Variants in NELFA observed in about 807,000 individuals in gnomAD.
NELFA encodes the protein negative elongation factor complex member A, also known as negative elongation factor A.
NELFA carries 35 observed loss-of-function variants against 51.8 expected under a neutral mutation model. That is an observed-to-expected ratio of 0.68 (90% CI 0.52 to 0.90). The LOEUF (loss-of-function observed/expected upper bound fraction) is 0.90. NELFA is among the 40% of genes least tolerant of loss of function. The probability of loss-of-function intolerance (pLI) is 0.00; values close to 1 mark genes in which losing one functional copy is unlikely to be tolerated. For missense variants in NELFA, 658 were observed against 746.4 expected (o/e 0.88, Z 1.38); for synonymous variants, 417 against 338.4 (o/e 1.23, Z -2.55).
chr4:1,984,820 C>G lies in NELFA; in HGVS notation c.1024G>C (p.Glu342Gln), dbSNP rs868024863. Residue 342 changes from glutamate (E) to glutamine (Q), a missense_variant, in exon 8 of 11, where the codon GAG becomes CAG. Physicochemically the swap from Glu to Gln is conservative, Grantham distance 29. Transcript: ENST00000382882. ...CCAGCAGACTCACCTGGGGGCGTCT[C>G]GGAGCTGGGGATGTAGGAGGAGGCG... The part of the protein sequence containing the change: ...VPASSYIPSS[E>Q]TPPAPSSREA... 2 of 1,563,418 alleles carry G rather than the reference C, an allele frequency of 1.3e-6. No individual in the cohort carries two copies. The highest frequency in any genetic ancestry group is 1.9e-5 in the Admixed American group (1 of 52,628).
Position 1,983,858 on chromosome 4 carries a change from A to G in NELFA, c.1292T>C (p.Leu431Pro). Residue 431 changes from leucine (L) to proline (P), a missense_variant, in exon 9 of 11, where the codon CTG (leucine) becomes CCG (proline). Leu to Pro is a moderately conservative substitution (Grantham distance 98). Transcript: ENST00000382882. ...CCAGTGTACACCTACCGTGAGGGAC[A>G]GGTTCTTCTTAGGCTGCTGCTGAGC... ...APAQQQPKKN[L>P]SLTREQMFAA... is the part of the protein sequence containing the mutation. The G allele has an allele frequency of 6.3e-7, 1 of 1,574,954 alleles. No individual in the cohort carries two copies. Among genetic ancestry groups the G allele is most frequent in the Non-Finnish European group, 8.6e-7 (1 of 1,160,136 alleles).
At chr4:2,006,768 CAAAAAAAAAAAAA>C (rs57055347) in intron 1 of NELFA, among the ~76,000 whole-genome samples, 3 of 79,756 alleles carry the variant, frequency 3.8e-5, no homozygotes, top group East Asian at 3.1e-4. Flanking sequence ...GACGCTGTCT[CAAAAAAAAAAAAA>C]AAAAAAAAAA....
intron 7 of NELFA, among the ~76,000 whole-genome samples, chr4:1,985,212 T>C (rs770786965): frequency 8.5e-5 from 13 of 152,122 alleles, no homozygotes; most frequent in East Asian, 1.9e-4. Flanking sequence ...CCACGAAGCG[T>C]TGATATAAAG....
intron 1 of NELFA, among the ~76,000 whole-genome samples, chr4:2,003,412 TAA>T (rs1048600077): frequency 6.6e-6 from 1 of 152,180 alleles, no homozygotes; most frequent in Admixed American, 6.5e-5. Flanking sequence ...CATTCTGCTA[TAA>T]AGACACACGT....
rs559610618 is a variant in NELFA, at chr4:1,982,959, C to G, written c.*360G>C. On this transcript the variant is annotated 3_prime_UTR_variant, in exon 11 of 11. Coordinates refer to ENST00000382882, the MANE Select transcript of NELFA (RefSeq NM_005663.5). ...CCTCAACCCTGGGGGTAGGAGGGCA[C>G]TGCCCCAGCGAGGGAAAATAGAAAA... 5.6e-6 allele frequency: 1 copy of G among 179,580 alleles called. No homozygotes were observed. Among genetic ancestry groups the G allele is most frequent in the East Asian group, 1.7e-4 (1 of 5,948 alleles). The allele number at this position is 179,580 out of a possible 1,614,324, so 11.1% of individuals were successfully genotyped here.
At chr4:1,992,875 G>C (rs886105657) in intron 1 of NELFA, among the ~76,000 whole-genome samples, 2 of 152,216 alleles carry the variant, frequency 1.3e-5, no homozygotes, top group Non-Finnish European at 1.5e-5. Flanking sequence ...CTGCCCTCAG[G>C]AGTCAAGAAC....
At position 1,991,665 on chromosome 4, in the gene NELFA, G is replaced by A; in HGVS notation, c.261C>T (p.Asp87=). ...TGTCGGCGACCATGAGCACCCAGGG[G>A]TCCGAGTCGAGGCTGGCGAGCTGGA... is the stretch of plus-strand genomic sequence containing the variant. ...EIIQLASLDS[D]PWVLMVADIL... Residue 87 remains aspartate (D), a synonymous_variant, in exon 2 of 11, where the codon GAC becomes GAT. Coordinates refer to ENST00000382882, the MANE Select transcript of NELFA (RefSeq NM_005663.5). 1.2e-6 allele frequency: 2 copies of A among 1,613,184 alleles called. No homozygotes were observed. Among genetic ancestry groups the A allele is most frequent in the African/African-American group, 1.3e-5 (1 of 74,930 alleles).
At chr4:1,999,887 G>A (rs1247925817) in intron 1 of NELFA, among the ~76,000 whole-genome samples, 6 of 151,868 alleles carry the variant, frequency 4.0e-5, no homozygotes, top group Non-Finnish European at 1.5e-5. Flanking sequence ...GTAATTAACT[G>A]GAAGTCAGCA....
rs113600353 is a variant in NELFA, at chr4:1,990,864, G to A, written c.382+680C>T. Among the ~76,000 whole-genome samples, 529 of 152,302 alleles carry A rather than the reference G, an allele frequency of 3.5e-3. 2 individuals are homozygous for A. The highest frequency in any genetic ancestry group is 0.012 in the African/African-American group (504 of 41,556). Reference sequence around the variant, plus strand: ...TACCCAGGCTGGAGTGCAGTGGCGCGATCATGGCTCACTGCAGCCTTGGCC... The same window carrying A: ...TACCCAGGCTGGAGTGCAGTGGCGCAATCATGGCTCACTGCAGCCTTGGCC... On this transcript the variant is annotated intron_variant, in intron 2 of 10. Coordinates refer to ENST00000382882, the MANE Select transcript of NELFA (RefSeq NM_005663.5).
At chr4:1,984,728 CA>C in intron 8 of NELFA, 79 bp downstream of exon 8, 2 of 999,016 alleles carry the variant, frequency 2.0e-6, no homozygotes, top group Non-Finnish European at 3.0e-6. Context: ...GTGAGAACCG[CA>C]GCCCTGGCAG....
rs746555720 is a variant in NELFA at position 1,983,511 on chromosome 4, G to C, written c.1403-8C>G. 6.2e-7 allele frequency: 1 copy of C among 1,613,554 alleles called. No individual in the cohort carries two copies. Among genetic ancestry groups the C allele is most frequent in the Non-Finnish European group, 8.5e-7 (1 of 1,179,658 alleles). ...GCTCCTGGCACGGGTTCTCTGCAGA[G>C]AGCAGGAGCTGCTGGGTGGGTGTCT... is the stretch of plus-strand genomic sequence containing the variant. On this transcript the variant is annotated splice_polypyrimidine_tract_variant and splice_region_variant and intron_variant, in intron 10 of 10. Transcript: ENST00000382882.
chr4:1,994,470 CAGG>C (rs1374750593), intron 1 of NELFA, among the ~76,000 whole-genome samples: 16 of 151,836 alleles, frequency 1.1e-4, no homozygotes, highest in East Asian at 3.9e-4. Context: ...GAAGGTGAGG[CAGG>C]AGAATTGCTT....
rs774564769 is a variant in NELFA, at chr4:1,989,474, C to T, written c.544+234G>A. Among the ~76,000 whole-genome samples the T allele has an allele frequency of 6.6e-6, 1 of 151,948 alleles. No homozygotes were observed. ...TTCCGAGTAGCTGGGAGCACAGGCA[C>T]GCACCACCATGCCCGGCTAATGTTT... On this transcript the variant is annotated intron_variant, in intron 3 of 10. Transcript: ENST00000382882. The surrounding 1 kb of genome is among the most constrained non-coding windows in gnomAD (Gnocchi z 4.8).
At position 1,991,673 on chromosome 4, in the gene NELFA, C is replaced by G. The variant is rs906816150; in HGVS notation, c.253G>C (p.Asp85His). 6.2e-7 allele frequency: 1 copy of G among 1,611,802 alleles called. No individual in the cohort carries two copies. Among genetic ancestry groups the G allele is most frequent in the African/African-American group, 1.3e-5 (1 of 74,720 alleles). The change falls in exon 2 of 11, where the codon GAC becomes CAC. Residue 85 changes from aspartate (D) to histidine (H), a missense_variant. Transcript: ENST00000382882. ...ACCATGAGCACCCAGGGGTCCGAGT[C>G]GAGGCTGGCGAGCTGGATGATCTCC... ...LMEIIQLASLDSDPWVLMVAD... is the reference protein window; with the variant it reads ...LMEIIQLASLHSDPWVLMVAD...
chr4:1,996,204 T>C (rs1230281638), intron 1 of NELFA, among the ~76,000 whole-genome samples: 1 of 152,224 alleles, frequency 6.6e-6, no homozygotes, highest in Non-Finnish European at 1.5e-5. Flanking sequence ...AAGAGCTCAA[T>C]ACAGCTAGAA....
intron 1 of NELFA, among the ~76,000 whole-genome samples, chr4:2,004,845 G>A (rs1355438791): frequency 1.5e-5 from 2 of 137,686 alleles, no homozygotes; most frequent in Non-Finnish European, 1.5e-5. Flanking sequence ...TCTTGCTGTC[G>A]CCCAGGCTGG....
chr4:1,985,215 A>C (rs951619137), intron 7 of NELFA, among the ~76,000 whole-genome samples: 1 of 152,194 alleles, frequency 6.6e-6, no homozygotes, highest in Non-Finnish European at 1.5e-5. Context: ...CGAAGCGTTG[A>C]TATAAAGGAA....
At chr4:1,990,065 T>A in intron 2 of NELFA, 196 bp from the exon 3 acceptor site, 1 of 623,210 alleles carries the variant, frequency 1.6e-6, no homozygotes, top group Non-Finnish European at 2.8e-6. Context: ...AGAACAGGAA[T>A]GCCTGAGAGG....
At chr4:1,993,308 G>A (rs1215020184) in intron 1 of NELFA, among the ~76,000 whole-genome samples, 1 of 152,210 alleles carries the variant, frequency 6.6e-6, no homozygotes, top group African/African-American at 2.4e-5. Context: ...TTTCCCGGGC[G>A]CGGTAGCTCA....
Sources: gnomAD v4.1 joint callset for allele counts (sites outside exome capture counted in the v4.1 genomes callset) on GRCh38, gnomAD v4.1.1 for gene constraint, Gnocchi (gnomAD v3.1) non-coding constraint, MANE v1.5 for transcripts, NCBI Gene and HGNC (gene_info 2026-07-23, HGNC 2026-07-21) for gene names.